The following ACVR1 variants were observed in gnomAD, a reference collection of about 807,000 sequenced individuals.
The protein encoded by ACVR1 is activin receptor type-1.
A neutral mutation model predicts 57.1 loss-of-function variants in ACVR1; 38 were observed. The observed-to-expected ratio is 0.67, with a 90% CI of 0.51 to 0.87. The LOEUF (loss-of-function observed/expected upper bound fraction) is 0.87, where lower values mean the gene tolerates loss of function less well. ACVR1 is among the 40% of genes least tolerant of loss of function. ACVR1 has a pLI of 0.00. For synonymous variants in ACVR1, 212 were observed against 228.1 expected (o/e 0.93, Z 0.63); for missense variants, 463 against 638.2 (o/e 0.73, Z 2.96).
At chr2:157,850,020 C>G (rs192549627) in intron 1 of ACVR1, among the ~76,000 whole-genome samples, 72 of 152,236 alleles carry the variant, frequency 4.7e-4, no homozygotes, top group East Asian at 7.7e-4. Context: ...TCAGAAAATT[C>G]CAAAACTTGG....
chr2:157,856,612 G>T (rs1359233898), intron 1 of ACVR1, among the ~76,000 whole-genome samples: 1 of 152,154 alleles, frequency 6.6e-6, no homozygotes, highest in Non-Finnish European at 1.5e-5. Context: ...TACTGGACTT[G>T]AGCTTTGTTA....
At chr2:157,875,224 C>G (rs1243238485) in intron 1 of ACVR1, 1 of 152,248 alleles carries the variant, frequency 6.6e-6, no homozygotes, top group Non-Finnish European at 1.5e-5. Flanking sequence ...TTCTGGGGAT[C>G]GGAAGATGAA....
At chr2:157,842,198 T>C (rs1689005574) in intron 1 of ACVR1, among the ~76,000 whole-genome samples, 1 of 152,150 alleles carries the variant, frequency 6.6e-6, no homozygotes, top group Non-Finnish European at 1.5e-5. Context: ...AAAAGGTCTT[T>C]ATACCATATC....
At chr2:157,737,756 A>G (rs1684590826) in intron 10 of ACVR1, 91 bp from the exon 11 acceptor site, 1 of 1,523,224 alleles carries the variant, frequency 6.6e-7, no homozygotes. Flanking sequence ...TATTCTGAAG[A>G]ACTCGCAGGT....
intron 9 of ACVR1, among the ~76,000 whole-genome samples, chr2:157,755,780 C>A (rs1475859644): frequency 6.6e-6 from 1 of 151,966 alleles, no homozygotes; most frequent in Non-Finnish European, 1.5e-5. Context: ...CATAAAAATA[C>A]CACCGTCATT....
intron 9 of ACVR1, among the ~76,000 whole-genome samples, chr2:157,751,551 G>A (rs1336781753): frequency 6.6e-6 from 1 of 152,232 alleles, no homozygotes; most frequent in East Asian, 1.9e-4. Flanking sequence ...CTGGTAGCCT[G>A]GAGCAATTCT....
intron 1 of ACVR1, among the ~76,000 whole-genome samples, chr2:157,870,080 T>C (rs997516292): frequency 7.2e-5 from 11 of 152,222 alleles, no homozygotes; most frequent in African/African-American, 2.7e-4. Context: ...GTTTCGGAAC[T>C]TGGTTTAAAA....
At chr2:157,792,469 T>A (rs1409898634) in intron 3 of ACVR1, among the ~76,000 whole-genome samples, 1 of 152,256 alleles carries the variant, frequency 6.6e-6, no homozygotes, top group Non-Finnish European at 1.5e-5. Context: ...TCAGGCTACA[T>A]GGAGTTGTGA....
Position 157,801,378 on chromosome 2 carries a change from G to A in ACVR1, c.-7-1878C>T, listed in dbSNP as rs75158310. Reference sequence around the variant, plus strand: ...TGAAATGAGCCTTCCCAAATGACAAGTGTTCTAAAACCATTACAGAAACTA... The same window carrying A: ...TGAAATGAGCCTTCCCAAATGACAAATGTTCTAAAACCATTACAGAAACTA... On this transcript the variant is annotated intron_variant, in intron 2 of 10. Transcript: ENST00000434821. Among the ~76,000 whole-genome samples the A allele has an allele frequency of 7.3e-3, 1,105 of 152,296 alleles. 6 individuals carry two copies. The highest frequency in any genetic ancestry group is 0.013 in the Non-Finnish European group (858 of 68,018).
chr2:157,777,631 A>G (rs531917693), intron 5 of ACVR1, among the ~76,000 whole-genome samples: 1 of 152,268 alleles, frequency 6.6e-6, no homozygotes, highest in Admixed American at 6.5e-5. Flanking sequence ...AAATGACTGC[A>G]CTCCACAAGA....
chr2:157,816,976 T>C (rs1020145817), intron 2 of ACVR1, among the ~76,000 whole-genome samples: 17 of 152,168 alleles, frequency 1.1e-4, no homozygotes, highest in African/African-American at 3.4e-4. Flanking sequence ...TTTTTTTTTT[T>C]TGATACAAGG....
At chr2:157,817,359 G>A (rs947708764) in intron 2 of ACVR1, among the ~76,000 whole-genome samples, 6 of 152,176 alleles carry the variant, frequency 3.9e-5, no homozygotes, top group Non-Finnish European at 7.3e-5. Flanking sequence ...AAAAAGCCCA[G>A]TGATTGCCAA....
intron 9 of ACVR1, among the ~76,000 whole-genome samples, chr2:157,740,122 T>C (rs1684695442): frequency 6.6e-6 from 1 of 151,872 alleles, no homozygotes; most frequent in Admixed American, 6.6e-5. Context: ...GAGGTGGATG[T>C]TGCAATGAGC....
Position 157,747,536 on chromosome 2 carries a change from C to T in ACVR1, c.1265-8966G>A, listed in dbSNP as rs957669739. Among the ~76,000 whole-genome samples, 14 of 151,904 alleles carry T rather than the reference C, an allele frequency of 9.2e-5. 1 individual carries two copies. Among genetic ancestry groups the T allele is most frequent in the Admixed American group, 8.5e-4 (13 of 15,244 alleles). On this transcript the variant is annotated intron_variant, in intron 9 of 10. Coordinates refer to ENST00000434821, the MANE Select transcript of ACVR1 (RefSeq NM_001111067.4). Reference sequence around the variant, plus strand: ...AAAAATACGAATAAAAAAGATGATACGGAATTATATCTATATATGATTACA... The same window carrying T: ...AAAAATACGAATAAAAAAGATGATATGGAATTATATCTATATATGATTACA...
intron 1 of ACVR1, among the ~76,000 whole-genome samples, chr2:157,831,749 G>A (rs1219401928): frequency 6.6e-6 from 1 of 152,178 alleles, no homozygotes; most frequent in South Asian, 2.1e-4. Context: ...ATGATCAGGA[G>A]AGCCCAATCC....
intron 1 of ACVR1, among the ~76,000 whole-genome samples, chr2:157,829,883 T>C (rs911516888): frequency 2.0e-5 from 3 of 152,144 alleles, no homozygotes; most frequent in African/African-American, 7.2e-5. Context: ...AAAGTAAGAG[T>C]ATTTTTCACC....
chr2:157,799,496 T>C lies in ACVR1; in HGVS notation c.-3A>G, dbSNP rs1241219783. ...AGAATCATCACTCCATCTACCATTGTACAACTGTAAAGGGAAAAGAAGAGA... is the reference window on the plus strand; with the variant it reads ...AGAATCATCACTCCATCTACCATTGCACAACTGTAAAGGGAAAAGAAGAGA... On this transcript the variant is annotated 5_prime_UTR_variant, in exon 3 of 11. Transcript: ENST00000434821. The C allele has an allele frequency of 6.2e-7, 1 of 1,609,792 alleles. No individual in the cohort carries two copies. Among genetic ancestry groups the C allele is most frequent in the Admixed American group, 1.7e-5 (1 of 60,008 alleles).
intron 7 of ACVR1, among the ~76,000 whole-genome samples, chr2:157,768,583 T>C (rs1231426839): frequency 6.6e-6 from 1 of 152,242 alleles, no homozygotes; most frequent in Non-Finnish European, 1.5e-5. Flanking sequence ...AATTATGCTC[T>C]AGACCATCAG....
chr2:157,791,141 G>A (rs1027330320), intron 3 of ACVR1, among the ~76,000 whole-genome samples: 4 of 152,092 alleles, frequency 2.6e-5, no homozygotes, highest in African/African-American at 9.7e-5. Flanking sequence ...CTGTCCATAC[G>A]CCTCATGCTA....
Sources: gnomAD v4.1 joint callset for allele counts (sites outside exome capture counted in the v4.1 genomes callset) on GRCh38, gnomAD v4.1.1 for gene constraint, MANE v1.5 for transcripts, NCBI Gene and HGNC (gene_info 2026-07-23, HGNC 2026-07-21) for gene names.